Variants in RSPO2 observed in about 807,000 individuals in gnomAD.
RSPO2 encodes R-spondin-2.
RSPO2 carries 14 observed loss-of-function variants against 30.9 expected under a neutral mutation model. That is an observed-to-expected ratio of 0.45 (90% CI 0.30 to 0.71). RSPO2 has a LOEUF of 0.71. Ranked by LOEUF, RSPO2 falls within the 30% of genes least tolerant of loss-of-function variation. The probability of loss-of-function intolerance (pLI) is 0.08; values close to 1 mark genes in which losing one functional copy is unlikely to be tolerated. For missense variants in RSPO2, 264 were observed against 301.9 expected (o/e 0.87, Z 0.93); for synonymous variants, 107 against 96.4 (o/e 1.11, Z -0.64).
At chr8:108,019,298 G>A (rs949605952) in intron 2 of RSPO2, among the ~76,000 whole-genome samples, 1 of 151,936 alleles carries the variant, frequency 6.6e-6, no homozygotes, top group South Asian at 2.1e-4. Context: ...AGGTTGCAGC[G>A]AGCGGAGATT....
chr8:107,907,083 T>C (rs1368257619), intron 5 of RSPO2, among the ~76,000 whole-genome samples: 1 of 152,016 alleles, frequency 6.6e-6, no homozygotes, highest in Non-Finnish European at 1.5e-5. Flanking sequence ...TCACATAATG[T>C]AAATGGGCAT....
At chr8:108,067,074 G>C (rs1812695669) in intron 2 of RSPO2, among the ~76,000 whole-genome samples, 1 of 152,222 alleles carries the variant, frequency 6.6e-6, no homozygotes, top group African/African-American at 2.4e-5. Context: ...CACATGGAAA[G>C]ATGTGAGATA....
chr8:108,048,255 G>A (rs574390396), intron 2 of RSPO2, among the ~76,000 whole-genome samples: 94 of 151,880 alleles, frequency 6.2e-4, no homozygotes, highest in African/African-American at 2.1e-3. Context: ...GAAAGTCATG[G>A]GGGACTTTTA....
chr8:107,952,363 T>A (rs1813282594), intron 5 of RSPO2, among the ~76,000 whole-genome samples: 1 of 151,748 alleles, frequency 6.6e-6, no homozygotes, highest in Non-Finnish European at 1.5e-5. Flanking sequence ...GAAAATAGTA[T>A]AACTTGCTTA....
intron 2 of RSPO2, among the ~76,000 whole-genome samples, chr8:108,076,324 G>A (rs1351246532): frequency 1.3e-5 from 2 of 152,208 alleles, no homozygotes; most frequent in African/African-American, 4.8e-5. Flanking sequence ...GGAGGCCTGG[G>A]AGGTTTAGGG....
chr8:107,966,076 G>A (rs1813794347), intron 3 of RSPO2, among the ~76,000 whole-genome samples: 1 of 152,134 alleles, frequency 6.6e-6, no homozygotes, highest in Non-Finnish European at 1.5e-5. Flanking sequence ...AGGAAAAGGA[G>A]GTTAGGCTAT....
At chr8:108,069,309 G>A (rs987685860) in intron 2 of RSPO2, among the ~76,000 whole-genome samples, 16 of 152,038 alleles carry the variant, frequency 1.1e-4, no homozygotes, top group African/African-American at 3.9e-4. Context: ...CGCCTCCCGG[G>A]TTCAAGTGAT....
At chr8:108,047,169 C>T (rs746104165) in intron 2 of RSPO2, among the ~76,000 whole-genome samples, 4 of 152,160 alleles carry the variant, frequency 2.6e-5, no homozygotes, top group Non-Finnish European at 5.9e-5. Context: ...CACCTTCCTG[C>T]TCTTCATTAT....
intron 5 of RSPO2, among the ~76,000 whole-genome samples, chr8:107,916,187 C>CG (rs1195014383): frequency 6.6e-6 from 1 of 152,126 alleles, no homozygotes; most frequent in Non-Finnish European, 1.5e-5. Flanking sequence ...CTTCATGTGA[C>CG]TTCAAAATGT....
chr8:107,935,571 G>GCCACAAAATCATGCTCTA (rs1003735534), intron 5 of RSPO2, among the ~76,000 whole-genome samples: 9 of 152,008 alleles, frequency 5.9e-5, no homozygotes, highest in Non-Finnish European at 1.2e-4. Context: ...ATGCACCAAA[G>GCCACAAAATCATGCTCTA]CCACAAAATC....
At chr8:107,913,077 A>G (rs1403584280) in intron 5 of RSPO2, among the ~76,000 whole-genome samples, 1 of 150,340 alleles carries the variant, frequency 6.7e-6, no homozygotes, top group African/African-American at 2.4e-5. Context: ...TGGGATAAAT[A>G]TTTAAGGTGA....
At chr8:107,977,078 A>G (rs374075224) in intron 3 of RSPO2, among the ~76,000 whole-genome samples, 1 of 152,260 alleles carries the variant, frequency 6.6e-6, no homozygotes, top group African/African-American at 2.4e-5. Context: ...AAAAGCCAGC[A>G]TATTCTAACA....
At chr8:107,947,845 T>C (rs972056358) in intron 5 of RSPO2, among the ~76,000 whole-genome samples, 1 of 152,238 alleles carries the variant, frequency 6.6e-6, no homozygotes, top group Non-Finnish European at 1.5e-5. Flanking sequence ...TATATTTTTT[T>C]CTGTGAGCTT....
chr8:108,002,357 A>G (rs1333338158), intron 2 of RSPO2, among the ~76,000 whole-genome samples: 4 of 152,232 alleles, frequency 2.6e-5, no homozygotes, highest in Non-Finnish European at 5.9e-5. Context: ...TGTTCCATAA[A>G]GTACTTAAAT....
At chr8:108,063,131 A>T (rs1357741468) in intron 2 of RSPO2, among the ~76,000 whole-genome samples, 1 of 151,844 alleles carries the variant, frequency 6.6e-6, no homozygotes, top group South Asian at 2.1e-4. Flanking sequence ...CAAGACAGGG[A>T]TGCCCTCTCT....
At position 107,925,719 on chromosome 8, in the gene RSPO2, G is replaced by A. The variant is rs1223726515; in HGVS notation, c.617-24529C>T. Among the ~76,000 whole-genome samples the A allele has an allele frequency of 4.6e-5, 7 of 152,176 alleles. No homozygotes were observed. In the South Asian group the frequency reaches 1.2e-3, roughly 27 times the overall value. On this transcript the variant is annotated intron_variant, in intron 5 of 5. Transcript: ENST00000276659. Reference sequence around the variant, plus strand: ...GGTTTCCAGCTTCATCCATGTCCCTGCAAAGGACATGAACTCATCCTTTCT... The same window carrying A: ...GGTTTCCAGCTTCATCCATGTCCCTACAAAGGACATGAACTCATCCTTTCT...
At chr8:107,927,328 C>G (rs1812412331) in intron 5 of RSPO2, among the ~76,000 whole-genome samples, 1 of 152,190 alleles carries the variant, frequency 6.6e-6, no homozygotes, top group African/African-American at 2.4e-5. Flanking sequence ...GATATACAAT[C>G]ATGTCATCTG....
chr8:108,036,689 G>A (rs1811608459), intron 2 of RSPO2, among the ~76,000 whole-genome samples: 1 of 152,192 alleles, frequency 6.6e-6, no homozygotes, highest in Non-Finnish European at 1.5e-5. Flanking sequence ...CTGGGGGTGA[G>A]GTGGGAGGAA....
intron 5 of RSPO2, among the ~76,000 whole-genome samples, chr8:107,954,956 C>T (rs983705250): frequency 6.6e-6 from 1 of 152,024 alleles, no homozygotes; most frequent in Admixed American, 6.6e-5. Context: ...TTCTGTCATT[C>T]GCCATAAATC....
Sources: gnomAD v4.1 joint callset for allele counts (sites outside exome capture counted in the v4.1 genomes callset) on GRCh38, gnomAD v4.1.1 for gene constraint, MANE v1.5 for transcripts, NCBI Gene and HGNC (gene_info 2026-07-23, HGNC 2026-07-21) for gene names.